HSBP1L1: variants seen among roughly 807,000 people sequenced by gnomAD.
HSBP1L1 encodes heat shock factor-binding protein 1-like protein 1.
HSBP1L1 carries 8 observed loss-of-function variants against 9.7 expected under a neutral mutation model. The ratio of observed to expected loss-of-function variants is 0.82; its 90% CI spans 0.48 to 1.48. The LOEUF is 1.48. Ranked by LOEUF, HSBP1L1 falls within the 40% of genes most tolerant of loss-of-function variation. The probability of loss-of-function intolerance (pLI) is 0.00; values close to 1 mark genes in which losing one functional copy is unlikely to be tolerated. For missense variants in HSBP1L1, 106 were observed against 95.8 expected, an observed-to-expected ratio of 1.11 and a Z score of -0.44; for synonymous variants, 39 against 34.4, an observed-to-expected ratio of 1.13 and a Z score of -0.46.
chr18:79,966,382 GA>G (rs916032353), intron 1 of HSBP1L1, among the ~76,000 whole-genome samples: 1 of 151,958 alleles, frequency 6.6e-6, no homozygotes, highest in African/African-American at 2.4e-5. Flanking sequence ...CGTCTCTACT[GA>G]AAGTATAAAC....
intron 3 of HSBP1L1, among the ~76,000 whole-genome samples, chr18:79,969,245 G>A (rs868764170): frequency 1.0e-5 from 1 of 99,780 alleles, no homozygotes; most frequent in South Asian, 4.9e-4. Flanking sequence ...GGAGAGAGAG[G>A]AGAGGAGAGA....
intron 3 of HSBP1L1, among the ~76,000 whole-genome samples, chr18:79,969,310 A>G (rs9958953): frequency 0.32 from 10,285 of 32,570 alleles, 1,744 homozygotes; most frequent in East Asian, 0.44. Context: ...GAGAGAGAGA[A>G]AGGAAAGAAA....
chr18:79,966,539 T>C (rs556974448), intron 1 of HSBP1L1, 73 bp from the exon 2 acceptor site: 13 of 1,112,502 alleles, frequency 1.2e-5, no homozygotes, highest in African/African-American at 5.0e-5. Context: ...CAAGACTTCA[T>C]CTCAGAAAAA....
intron 3 of HSBP1L1, among the ~76,000 whole-genome samples, chr18:79,969,549 T>C (rs7505247): frequency 0.79 from 119,410 of 151,978 alleles, 47,626 homozygotes; most frequent in East Asian, 0.91. Context: ...TCTGTTCAGG[T>C]AGGCAGAGAT....
At chr18:79,969,231 G>C (rs1193622330) in intron 3 of HSBP1L1, among the ~76,000 whole-genome samples, 1 of 89,328 alleles carries the variant, frequency 1.1e-5, no homozygotes, top group Non-Finnish European at 2.4e-5. Flanking sequence ...AAAGAGGAGA[G>C]AGAGGAGAGA....
At position 79,968,064 on chromosome 18, in the gene HSBP1L1, T is replaced by C. The variant is rs953048534; in HGVS notation, c.119-25T>C. 2.0e-6 allele frequency: 3 copies of C among 1,465,180 alleles called. No homozygotes were observed. The African/African-American group carries it at 4.2e-5, about 21-fold the overall frequency. The allele number at this position is 1,465,180 out of a possible 1,614,324, so 90.8% of individuals were successfully genotyped here. ...CCTCGGCGGCTCTGGACTCCAGCTC[T>C]ACGCAGAGCGCCTTAACACTGTACT... On this transcript the variant is annotated intron_variant, in intron 2 of 3. Coordinates refer to ENST00000451882, the MANE Select transcript of HSBP1L1 (RefSeq NM_001136180.2).
intron 3 of HSBP1L1, among the ~76,000 whole-genome samples, chr18:79,969,367 G>GAAAC (rs1194866237): frequency 2.0e-5 from 1 of 49,148 alleles, no homozygotes. Flanking sequence ...AAGAAAGAAA[G>GAAAC]AAAGAAAGAA....
intron 2 of HSBP1L1, chr18:79,967,868 C>G: frequency 2.3e-6 from 1 of 439,152 alleles, no homozygotes; most frequent in East Asian, 3.6e-5. Context: ...CATGTCCAAG[C>G]AAGGGGAGCC....
At chr18:79,967,276 G>A (rs1481904131) in intron 2 of HSBP1L1, among the ~76,000 whole-genome samples, 5 of 152,104 alleles carry the variant, frequency 3.3e-5, no homozygotes, top group South Asian at 2.1e-4. Context: ...GTCCCCAACC[G>A]GACAGTGCCC....
intron 1 of HSBP1L1, 35 bp downstream of exon 1, chr18:79,964,821 T>C: frequency 2.4e-6 from 2 of 820,254 alleles, no homozygotes; most frequent in Non-Finnish European, 3.0e-6. Flanking sequence ...TCTCTCTGGA[T>C]GGGGGCGCCC....
intron 1 of HSBP1L1, among the ~76,000 whole-genome samples, chr18:79,966,112 T>C (rs1015177840): frequency 1.3e-5 from 2 of 152,234 alleles, no homozygotes; most frequent in Middle Eastern, 3.4e-3. Flanking sequence ...TTTGTATTTT[T>C]AGTAGAGATG....
chr18:79,969,277 AGGGAGGGAGGGAGGGAGG>A (rs2051275562), intron 3 of HSBP1L1, among the ~76,000 whole-genome samples: 2 of 20,564 alleles, frequency 9.7e-5, no homozygotes, highest in African/African-American at 2.7e-4. Flanking sequence ...GGAGGGAGGG[AGGGAGGGAGGGAGGGAGG>A]GAGAGAGAGA....
chr18:79,970,524 G>A lies in HSBP1L1; in HGVS notation c.*73G>A, dbSNP rs1471382525. 2.8e-6 allele frequency: 2 copies of A among 717,204 alleles called. No homozygotes were observed. The highest frequency in any genetic ancestry group is 1.7e-5 in the African/African-American group (1 of 57,224). The allele number at this position is 717,204 out of a possible 1,614,324, so 44.4% of individuals were successfully genotyped here. On this transcript the variant is annotated 3_prime_UTR_variant, in exon 4 of 4. Coordinates refer to ENST00000451882, the MANE Select transcript of HSBP1L1 (RefSeq NM_001136180.2). ...AGGTTACATCGGTCCTGAGGGTGGGGCCCTCATCCAACAGGATTCGTCTTT... is the reference window on the plus strand; with the variant it reads ...AGGTTACATCGGTCCTGAGGGTGGGACCCTCATCCAACAGGATTCGTCTTT...
chr18:79,964,814 C>T, intron 1 of HSBP1L1, 28 bp downstream of exon 1: 1 of 1,303,650 alleles, frequency 7.7e-7, no homozygotes, highest in Non-Finnish European at 9.8e-7. Context: ...TCCTGCTTCT[C>T]TCTGGATGGG....
chr18:79,968,164 A>C lies in HSBP1L1; in HGVS notation c.194A>C (p.Asn65Thr), dbSNP rs2051267077. 2 of 1,544,044 alleles carry C rather than the reference A, an allele frequency of 1.3e-6. No individual in the cohort carries two copies. The highest frequency in any genetic ancestry group is 1.4e-5 in the African/African-American group (1 of 73,032). ...KDLMVQAGIENSIKEQMLKT is the reference protein window; with the variant it reads ...KDLMVQAGIETSIKEQMLKT ...TTAATGGTGCAAGCTGGCATTGAAAATTCTATTAAAGAACAAATGGTAAGG... is the reference window on the plus strand; with the variant it reads ...TTAATGGTGCAAGCTGGCATTGAAACTTCTATTAAAGAACAAATGGTAAGG... The change falls in exon 3 of 4, where the codon AAT becomes ACT. Residue 65 changes from asparagine to threonine, a missense_variant. Asn to Thr is a moderately conservative substitution (Grantham distance 65). Transcript: ENST00000451882.
intron 3 of HSBP1L1, among the ~76,000 whole-genome samples, chr18:79,969,208 GAAAGAA>G (rs2051273663): frequency 7.9e-5 from 1 of 12,616 alleles, no homozygotes; most frequent in Non-Finnish European, 2.5e-4. Context: ...AGGAAAGAAA[GAAAGAA>G]AGAAAGAAAG....
chr18:79,968,786 G>A (rs543931644), intron 3 of HSBP1L1, among the ~76,000 whole-genome samples: 1 of 152,132 alleles, frequency 6.6e-6, no homozygotes, highest in Non-Finnish European at 1.5e-5. Flanking sequence ...ACCTCATCAG[G>A]GCACTGTAGG....
Position 79,970,704 on chromosome 18 carries a change from T to C in HSBP1L1, c.*253T>C. On this transcript the variant is annotated 3_prime_UTR_variant, in exon 4 of 4. Transcript: ENST00000451882. ...GAAAACAGAACTGTGAAAAGACAAG[T>C]TTCTGTTGTTTAAACCACCCAATCT... 2.1e-6 allele frequency: 1 copy of C among 481,926 alleles called. No individual in the cohort carries two copies. The highest frequency in any genetic ancestry group is 3.8e-6 in the Non-Finnish European group (1 of 265,486). 29.9% of individuals were successfully genotyped at this position (481,926 alleles called of 1,614,324 possible). A position where few individuals can be genotyped will look rare whatever the true frequency, so the allele number is the denominator to read the frequency against.
At chr18:79,969,394 A>AGAAAGAAAGAAAGAAAGAAAGAAAGAAAG (rs35959688) in intron 3 of HSBP1L1, among the ~76,000 whole-genome samples, 60 of 80,360 alleles carry the variant, frequency 7.5e-4, no homozygotes, top group Middle Eastern at 6.6e-3. Context: ...AAAGAAAGAA[A>AGAAAGAAAGAAAGAAAGAAAGAAAGAAAG]AAAAAACGAT....
Sources: allele counts gnomAD v4.1 joint callset (sites outside exome capture counted in the v4.1 genomes callset), GRCh38; gene constraint gnomAD v4.1.1; transcripts MANE v1.5; gene names NCBI Gene and HGNC (gene_info 2026-07-23, HGNC 2026-07-21).